Variants in GCNT1 observed in about 807,000 individuals in gnomAD.
GCNT1 encodes the protein beta-1,3-galactosyl-O-glycosyl-glycoprotein beta-1,6-N-acetylglucosaminyltransferase.
Under a neutral mutation model 26.2 loss-of-function variants are expected in GCNT1, and 16 were observed. That is an observed-to-expected ratio of 0.61 (90% CI 0.41 to 0.93). The LOEUF (loss-of-function observed/expected upper bound fraction) is 0.93, where lower values mean the gene tolerates loss of function less well. Among genes scored for constraint, GCNT1 ranks in the 40% least tolerant of loss-of-function variants. The pLI is 0.00. For missense variants in GCNT1, 477 were observed against 526.7 expected (o/e 0.91, Z 0.92); for synonymous variants, 183 against 190.8 (o/e 0.96, Z 0.34).
rs1201939785 is a variant in GCNT1 at position 76,503,633 on chromosome 9, T to A, written c.1252T>A (p.Leu418Met). Residue 418 changes from leucine to methionine, a missense_variant, in exon 4 of 4, where the codon TTG (leucine) becomes ATG (methionine). Coordinates refer to ENST00000376730, the MANE Select transcript of GCNT1 (RefSeq NM_001490.5). ...TGCCATCCAGTGTTTGGATGAGCATTTGAGACACAAAGCTTTGGAGACATT... is the reference window on the plus strand; with the variant it reads ...TGCCATCCAGTGTTTGGATGAGCATATGAGACACAAAGCTTTGGAGACATT... ...LFAIQCLDEH[L>M]RHKALETLKH The A allele has an allele frequency of 1.2e-6, 2 of 1,613,996 alleles. No homozygotes were observed. Among genetic ancestry groups the A allele is most frequent in the Non-Finnish European group, 1.7e-6 (2 of 1,179,986 alleles).
intron 1 of GCNT1, among the ~76,000 whole-genome samples, chr9:76,452,989 G>A (rs1823698405): frequency 6.6e-6 from 1 of 152,198 alleles, no homozygotes; most frequent in Admixed American, 6.5e-5. Flanking sequence ...TTACTACAAA[G>A]CCTGCCTCAC....
the GCNT1 span, chr9:76,399,023 A>G: frequency 1.5e-5 from 24 of 1,589,594 alleles, no homozygotes; most frequent in Non-Finnish European, 1.8e-5. Flanking sequence ...TGGAACCTTC[A>G]CTAACCAGAT....
upstream of GCNT1, among the ~76,000 whole-genome samples, chr9:76,454,842 CTTTTTT>C (rs1183951605): frequency 6.6e-5 from 7 of 105,644 alleles, no homozygotes; most frequent in Admixed American, 1.1e-4. Flanking sequence ...CTTTTCTTTT[CTTTTTT>C]TTTTTTTTTT....
At chr9:76,492,608 T>G (rs1299053146) in intron 2 of GCNT1, among the ~76,000 whole-genome samples, 1 of 150,410 alleles carries the variant, frequency 6.6e-6, no homozygotes, top group Non-Finnish European at 1.5e-5. Flanking sequence ...TGTTGGATTA[T>G]CTGGTTGGCG....
At chr9:76,419,183 T>G (rs918714198), upstream of GCNT1, among the ~76,000 whole-genome samples, 1 of 152,162 alleles carries the variant, frequency 6.6e-6, no homozygotes, top group Non-Finnish European at 1.5e-5. Flanking sequence ...GCTTAATCCC[T>G]TATAGCCCCC....
At chr9:76,496,300 A>C (rs1257168159) in intron 2 of GCNT1, among the ~76,000 whole-genome samples, 2 of 152,280 alleles carry the variant, frequency 1.3e-5, no homozygotes, top group Middle Eastern at 6.8e-3. Flanking sequence ...AAACAAAGCA[A>C]CACCACTCCT....
At chr9:76,467,978 G>C (rs936535427) in intron 2 of GCNT1, among the ~76,000 whole-genome samples, 1 of 134,926 alleles carries the variant, frequency 7.4e-6, no homozygotes, top group Non-Finnish European at 1.5e-5. Flanking sequence ...ACAATCTCAG[G>C]TCACTGTAAC....
intron 1 of GCNT1, among the ~76,000 whole-genome samples, chr9:76,446,925 C>T (rs1283189312): frequency 1.3e-5 from 2 of 152,030 alleles, no homozygotes; most frequent in African/African-American, 4.8e-5. Context: ...GAGGCTGAGA[C>T]GGGCAGATCA....
chr9:76,419,475 C>T (rs987547630), upstream of GCNT1, among the ~76,000 whole-genome samples: 3 of 152,174 alleles, frequency 2.0e-5, no homozygotes, highest in East Asian at 3.9e-4. Flanking sequence ...TTCAAGACCA[C>T]CTGAGCACCA....
chr9:76,416,120 C>G (rs983198795), upstream of GCNT1, among the ~76,000 whole-genome samples: 1 of 152,082 alleles, frequency 6.6e-6, no homozygotes, highest in African/African-American at 2.4e-5. Context: ...ATCATACCCC[C>G]CATCCCATAC....
intron 1 of GCNT1, among the ~76,000 whole-genome samples, chr9:76,434,459 C>T (rs1823381809): frequency 6.6e-6 from 1 of 152,166 alleles, no homozygotes; most frequent in Non-Finnish European, 1.5e-5. Flanking sequence ...TTATGCCTGT[C>T]TTTAATCTCT....
intron 1 of GCNT1, among the ~76,000 whole-genome samples, chr9:76,426,939 A>T (rs925596332): frequency 6.6e-6 from 1 of 152,150 alleles, no homozygotes; most frequent in African/African-American, 2.4e-5. Flanking sequence ...AAGAATAAAT[A>T]TTCATTGTTA....
intron 2 of GCNT1, among the ~76,000 whole-genome samples, chr9:76,487,350 C>G (rs994949177): frequency 2.6e-5 from 4 of 152,070 alleles, no homozygotes; most frequent in Admixed American, 6.5e-5. Flanking sequence ...GTCACAGCAG[C>G]CTCTGGGACA....
chr9:76,502,061 T>A, intron 3 of GCNT1, 178 bp from the exon 4 acceptor site: 1 of 153,932 alleles, frequency 6.5e-6, no homozygotes, highest in East Asian at 1.9e-4. Flanking sequence ...ACTACTACAA[T>A]TTATCCTCTG....
At chr9:76,408,441 G>A in the GCNT1 span, among the ~76,000 whole-genome samples, 9 of 151,964 alleles carry the variant, frequency 5.9e-5, no homozygotes, top group African/African-American at 2.2e-4. Flanking sequence ...CATTGAACCA[G>A]GCTTACATAC....
chr9:76,436,957 G>A (rs988618059), upstream of GCNT1, among the ~76,000 whole-genome samples: 9 of 152,068 alleles, frequency 5.9e-5, no homozygotes, highest in Non-Finnish European at 7.4e-5. Context: ...AGGGCCTGTC[G>A]TGGGGTGTGG....
At chr9:76,427,198 CTT>C (rs35341377) in intron 1 of GCNT1, among the ~76,000 whole-genome samples, 29 of 141,974 alleles carry the variant, frequency 2.0e-4, no homozygotes, top group African/African-American at 2.3e-4. Context: ...CTGCCAACAC[CTT>C]TTTTTTTTTT....
chr9:76,436,417 A>G (rs1447754625), intron 1 of GCNT1, among the ~76,000 whole-genome samples: 6 of 151,722 alleles, frequency 4.0e-5, no homozygotes, highest in African/African-American at 1.5e-4. Flanking sequence ...GTGAAAGCCC[A>G]TCTCTGCTAA....
intron 2 of GCNT1, among the ~76,000 whole-genome samples, chr9:76,487,471 C>T (rs992289972): frequency 6.6e-6 from 1 of 152,198 alleles, no homozygotes; most frequent in African/African-American, 2.4e-5. Context: ...AGGTTGGTGA[C>T]CCAGGTTTAT....
Sources: allele counts gnomAD v4.1 joint callset (sites outside exome capture counted in the v4.1 genomes callset), GRCh38; gene constraint gnomAD v4.1.1; transcripts MANE v1.5; gene names NCBI Gene and HGNC (gene_info 2026-07-23, HGNC 2026-07-21).